Variants in DRC9 observed in about 807,000 individuals in gnomAD.
DRC9 encodes dynein regulatory complex protein 9.
the DRC9 span, among the ~76,000 whole-genome samples, chr3:197,939,896 C>A: frequency 6.6e-6 from 1 of 151,990 alleles, no homozygotes; most frequent in Admixed American, 6.6e-5. Context: ...GGAAAAGGAA[C>A]CAAATGTGTC....
the DRC9 span, among the ~76,000 whole-genome samples, chr3:197,933,270 G>C: frequency 7.9e-5 from 12 of 151,142 alleles, no homozygotes; most frequent in Admixed American, 2.0e-4. Flanking sequence ...GTGAAACCTC[G>C]TCTCTACTAA....
At chr3:197,924,521 T>C in the DRC9 span, among the ~76,000 whole-genome samples, 2 of 152,206 alleles carry the variant, frequency 1.3e-5, no homozygotes, top group African/African-American at 2.4e-5. Context: ...CCTCTGTAAC[T>C]TTCTCTTTTC....
chr3:197,905,054 G>A, the DRC9 span, among the ~76,000 whole-genome samples: 10 of 152,156 alleles, frequency 6.6e-5, no homozygotes, highest in Admixed American at 4.6e-4. Flanking sequence ...CATGGAGGTC[G>A]AGAGTAGAAG....
the DRC9 span, among the ~76,000 whole-genome samples, chr3:197,910,982 CAA>C: frequency 1.6e-4 from 10 of 61,484 alleles, no homozygotes; most frequent in Non-Finnish European, 2.5e-4. Context: ...AAAAACAAAA[CAA>C]AAAAAAAAAA....
At chr3:197,942,385 C>CA in the DRC9 span, among the ~76,000 whole-genome samples, 769 of 17,048 alleles carry the variant, frequency 0.045, 258 homozygotes, top group East Asian at 0.16. Context: ...CTCCGTCTCA[C>CA]AAAAAAAAAA....
At chr3:197,891,151 C>G in the DRC9 span, among the ~76,000 whole-genome samples, 2 of 152,210 alleles carry the variant, frequency 1.3e-5, no homozygotes, top group African/African-American at 4.8e-5. Context: ...CTGTCAAGAG[C>G]TGGTTTTGGT....
chr3:197,892,485 ATTTGCCACTCCTTCCT>A, the DRC9 span: 2 of 1,007,400 alleles, frequency 2.0e-6, no homozygotes, highest in Middle Eastern at 2.4e-4. Flanking sequence ...ACTGTGGCCT[ATTTGCCACTCCTTCCT>A]CGGTGAGCAC....
At chr3:197,946,211 G>A in the DRC9 span, among the ~76,000 whole-genome samples, 3 of 151,940 alleles carry the variant, frequency 2.0e-5, no homozygotes, top group Non-Finnish European at 4.4e-5. Flanking sequence ...CGAGGCAGGC[G>A]GATCACAAGG....
At chr3:197,889,540 A>T in the DRC9 span, 1 of 1,612,912 alleles carries the variant, frequency 6.2e-7, no homozygotes, top group African/African-American at 1.3e-5. Flanking sequence ...AGTCCTTCCC[A>T]CCTCCAGAAT....
the DRC9 span, among the ~76,000 whole-genome samples, chr3:197,946,873 A>G: frequency 2.0e-5 from 3 of 151,920 alleles, no homozygotes; most frequent in East Asian, 5.8e-4. Flanking sequence ...CCTAGGCTGC[A>G]GTACGATGGC....
chr3:197,908,097 T>A, the DRC9 span, among the ~76,000 whole-genome samples: 1 of 148,988 alleles, frequency 6.7e-6, no homozygotes, highest in East Asian at 2.0e-4. Flanking sequence ...CAGGGGTGAC[T>A]GTACCAGGTC....
chr3:197,904,434 C>A, the DRC9 span, among the ~76,000 whole-genome samples: 1 of 152,082 alleles, frequency 6.6e-6, no homozygotes, highest in Non-Finnish European at 1.5e-5. Flanking sequence ...TCCAGCAATT[C>A]CACTGCTAGG....
the DRC9 span, chr3:197,954,398 A>G: frequency 1.2e-3 from 633 of 532,788 alleles, 4 homozygotes; most frequent in Middle Eastern, 5.9e-3. Flanking sequence ...CAGTGGCATA[A>G]TCACAGCTTA....
At chr3:197,943,993 A>C in the DRC9 span, 12 of 1,614,114 alleles carry the variant, frequency 7.4e-6, no homozygotes, top group Non-Finnish European at 1.0e-5. Context: ...CCTGTCACTG[A>C]CACCGTCATC....
the DRC9 span, among the ~76,000 whole-genome samples, chr3:197,944,422 C>T: frequency 2.6e-5 from 4 of 151,722 alleles, no homozygotes; most frequent in Non-Finnish European, 5.9e-5. Context: ...CCACACCTGG[C>T]TAAGTTTGTG....
chr3:197,930,894 C>T, the DRC9 span, among the ~76,000 whole-genome samples: 5 of 151,666 alleles, frequency 3.3e-5, no homozygotes, highest in Admixed American at 6.6e-5. Context: ...ATTAGCCAGG[C>T]GCAGTGGTGG....
At chr3:197,929,218 A>T in the DRC9 span, among the ~76,000 whole-genome samples, 1 of 152,228 alleles carries the variant, frequency 6.6e-6, no homozygotes, top group African/African-American at 2.4e-5. This position sits in a 1 kb window ranked among gnomAD's most constrained non-coding sequence, Gnocchi z 4.6. Flanking sequence ...CTCTCAACAC[A>T]TGGGTAGTCA....
chr3:197,948,412 G>A, the DRC9 span, among the ~76,000 whole-genome samples: 1 of 152,150 alleles, frequency 6.6e-6, no homozygotes, highest in Non-Finnish European at 1.5e-5. Flanking sequence ...AATTTGTTAC[G>A]TTAGTGTCAG....
At chr3:197,946,068 C>A in the DRC9 span, among the ~76,000 whole-genome samples, 1 of 152,178 alleles carries the variant, frequency 6.6e-6, no homozygotes, top group Non-Finnish European at 1.5e-5. Context: ...TCACTCAATT[C>A]ATCTTCTCTG....
Sources: gnomAD v4.1 joint callset for allele counts (sites outside exome capture counted in the v4.1 genomes callset) on GRCh38, gnomAD v4.1.1 for gene constraint, Gnocchi (gnomAD v3.1) non-coding constraint, MANE v1.5 for transcripts, NCBI Gene and HGNC (gene_info 2026-07-23, HGNC 2026-07-21) for gene names.